Variants in PXYLP1 observed in about 807,000 individuals in gnomAD.
PXYLP1 encodes the protein acid phosphatase-like 2.
Under a neutral mutation model 37.9 loss-of-function variants are expected in PXYLP1, and 17 were observed. The observed-to-expected ratio is 0.45, with a 90% CI of 0.31 to 0.67. The LOEUF (loss-of-function observed/expected upper bound fraction) is 0.67. Among genes scored for constraint, PXYLP1 ranks in the 30% least tolerant of loss-of-function variants. PXYLP1 has a pLI of 0.07. For missense variants in PXYLP1, 511 were observed against 612.0 expected, an observed-to-expected ratio of 0.84 and a Z score of 1.74; for synonymous variants, 221 against 232.2, an observed-to-expected ratio of 0.95 and a Z score of 0.44.
intron 2 of PXYLP1, chr3:141,262,387 T>G: frequency 1.9e-6 from 2 of 1,029,962 alleles, no homozygotes; most frequent in Non-Finnish European, 2.4e-6. Flanking sequence ...CATTAAAAAT[T>G]TTCCATCCTT....
At chr3:141,287,136 G>A (rs894722071) in intron 4 of PXYLP1, among the ~76,000 whole-genome samples, 178 bp from the exon 5 acceptor site, 1 of 152,232 alleles carries the variant, frequency 6.6e-6, no homozygotes, top group South Asian at 2.1e-4. Flanking sequence ...GGGATTTCAT[G>A]TGTCAGTGTC....
At chr3:141,279,317 C>T (rs971057706) in intron 3 of PXYLP1, 61 bp from the exon 4 acceptor site, 7 of 1,598,794 alleles carry the variant, frequency 4.4e-6, no homozygotes, top group African/African-American at 4.0e-5. Flanking sequence ...CCCCTTGGCC[C>T]CCTTCTAAAA....
chr3:141,265,732 C>T (rs962765086), intron 2 of PXYLP1, among the ~76,000 whole-genome samples: 8 of 152,150 alleles, frequency 5.3e-5, no homozygotes, highest in Non-Finnish European at 1.0e-4. Flanking sequence ...TTCATGCATG[C>T]ATTCATTCAC....
At position 141,260,222 on chromosome 3, in the gene PXYLP1, T is replaced by C; in HGVS notation, c.47T>C (p.Leu16Pro). 1 of 1,613,552 alleles carries C rather than the reference T, an allele frequency of 6.2e-7. No homozygotes were observed. The highest frequency in any genetic ancestry group is 8.5e-7 in the Non-Finnish European group (1 of 1,180,038). Reference sequence around the variant, plus strand: ...TTGCTGCTGCTGGCCCTGGCTGCGCTGCTGGCCTTTGTGAGCCTCAGCCTG... The same window carrying C: ...TTGCTGCTGCTGGCCCTGGCTGCGCCGCTGGCCTTTGTGAGCCTCAGCCTG... Reference protein sequence around the residue: ...RFLLLLALAALLAFVSLSLQF... With the variant: ...RFLLLLALAAPLAFVSLSLQF... The change falls in exon 2 of 6, where the codon CTG becomes CCG. Residue 16 changes from leucine to proline, a missense_variant. Coordinates refer to ENST00000286353, the MANE Select transcript of PXYLP1 (RefSeq NM_001037172.3).
intron 1 of PXYLP1, among the ~76,000 whole-genome samples, chr3:141,233,463 C>CCAAAAAA (rs1158763652): frequency 1.3e-5 from 1 of 79,404 alleles, no homozygotes. Context: ...AAAACCCTGT[C>CCAAAAAA]AAAAAAAAAA....
In PXYLP1 at chr3:141,279,484, C is replaced by T; in HGVS notation, c.345C>T (p.Asp115=). Residue 115 remains aspartate, a synonymous_variant, in exon 4 of 6, where the codon GAC becomes GAT. Transcript: ENST00000286353. Reference sequence around the variant, plus strand: ...CCAAAACAAAGCGACCAGAAATTGACTGCACTCTGGTGGCTAACAGGTAAA... The same window carrying T: ...CCAAAACAAAGCGACCAGAAATTGATTGCACTCTGGTGGCTAACAGGTAAA... ...VIPKTKRPEI[D]CTLVANRKPY... is the part of the protein sequence containing the mutation. 1 of 1,614,246 alleles carries T rather than the reference C, an allele frequency of 6.2e-7. No individual in the cohort carries two copies. Among genetic ancestry groups the T allele is most frequent in the Non-Finnish European group, 8.5e-7 (1 of 1,180,042 alleles).
chr3:141,273,693 T>C (rs937025861), intron 2 of PXYLP1: 13 of 985,268 alleles, frequency 1.3e-5, no homozygotes, highest in Non-Finnish European at 1.6e-5. Flanking sequence ...GGGTTATAGA[T>C]GTGTGGACAG....
chr3:141,274,812 G>A (rs1941752389), intron 2 of PXYLP1, among the ~76,000 whole-genome samples: 1 of 152,196 alleles, frequency 6.6e-6, no homozygotes, highest in East Asian at 1.9e-4. Context: ...TGTGGGAACT[G>A]GGGATTCAGG....
chr3:141,271,604 A>G (rs754224265), intron 2 of PXYLP1, among the ~76,000 whole-genome samples: 1 of 151,776 alleles, frequency 6.6e-6, no homozygotes, highest in Admixed American at 6.6e-5. Context: ...TTCCCGGGAA[A>G]CTCTGGGTCC....
chr3:141,236,739 A>G (rs913768598), intron 1 of PXYLP1, among the ~76,000 whole-genome samples: 1 of 152,220 alleles, frequency 6.6e-6, no homozygotes, highest in African/African-American at 2.4e-5. Flanking sequence ...TTAAGGCTTT[A>G]TGCTTCTAAA....
At chr3:141,255,217 T>G (rs1941238805) in intron 1 of PXYLP1, among the ~76,000 whole-genome samples, 1 of 152,238 alleles carries the variant, frequency 6.6e-6, no homozygotes, top group South Asian at 2.1e-4. Context: ...TGTTTTTTGT[T>G]TTGTTTTTGC....
intron 5 of PXYLP1, among the ~76,000 whole-genome samples, chr3:141,291,092 G>A (rs1309693021): frequency 6.6e-6 from 1 of 152,160 alleles, no homozygotes; most frequent in Non-Finnish European, 1.5e-5. Flanking sequence ...CATCCTTTGT[G>A]GGTTTTGCTG....
At chr3:141,283,196 A>G in intron 4 of PXYLP1, among the ~76,000 whole-genome samples, 1 of 148,940 alleles carries the variant, frequency 6.7e-6, no homozygotes, top group Middle Eastern at 3.2e-3. Flanking sequence ...GTTGGCCAGG[A>G]TGGTCTTGAT....
At position 141,240,502 on chromosome 3, in the gene PXYLP1, G is replaced by A. The variant is rs6439987; in HGVS notation, c.-54+8591G>A. ...AGGATTTTGTGGGCCAGGCTCAGAGGTGCTGAACTACTGGCCCTGACATTC... is the reference window on the plus strand; with the variant it reads ...AGGATTTTGTGGGCCAGGCTCAGAGATGCTGAACTACTGGCCCTGACATTC... On this transcript the variant is annotated intron_variant, in intron 1 of 5. Transcript: ENST00000286353. Among the ~76,000 whole-genome samples the A allele has an allele frequency of 6.9e-3, 1,054 of 151,852 alleles. 15 individuals carry two copies. Among genetic ancestry groups the A allele is most frequent in the African/African-American group, 0.023 (968 of 41,314 alleles).
At chr3:141,238,412 C>G (rs1179684681) in intron 1 of PXYLP1, among the ~76,000 whole-genome samples, 1 of 152,210 alleles carries the variant, frequency 6.6e-6, no homozygotes, top group Non-Finnish European at 1.5e-5. Flanking sequence ...CCAGAAAATC[C>G]TTCTGTGATT....
At chr3:141,277,496 AT>A (rs1392751028) in intron 2 of PXYLP1, among the ~76,000 whole-genome samples, 1 of 152,016 alleles carries the variant, frequency 6.6e-6, no homozygotes, top group Non-Finnish European at 1.5e-5. Flanking sequence ...GCAGCCCCAC[AT>A]TTCCATTCTT....
chr3:141,245,838 A>G (rs1940922066), intron 1 of PXYLP1, among the ~76,000 whole-genome samples: 1 of 152,220 alleles, frequency 6.6e-6, no homozygotes. Flanking sequence ...TTATATGTTA[A>G]GCTTGACCTG....
At chr3:141,259,138 A>G (rs1273969107) in intron 1 of PXYLP1, among the ~76,000 whole-genome samples, 1 of 152,214 alleles carries the variant, frequency 6.6e-6, no homozygotes, top group Non-Finnish European at 1.5e-5. Context: ...ATATTCAGTT[A>G]TATTCACAGT....
intron 2 of PXYLP1, chr3:141,274,116 G>C (rs1403580302): frequency 1.0e-6 from 1 of 995,826 alleles, no homozygotes; most frequent in Admixed American, 5.7e-5. Flanking sequence ...CCTGGGCAAA[G>C]CCTGCTGGGA....
Sources: gnomAD v4.1 joint callset for allele counts (sites outside exome capture counted in the v4.1 genomes callset) on GRCh38, gnomAD v4.1.1 for gene constraint, MANE v1.5 for transcripts, NCBI Gene and HGNC (gene_info 2026-07-23, HGNC 2026-07-21) for gene names.